DYRK3: variants seen among roughly 807,000 people sequenced by gnomAD.
DYRK3 encodes the protein dual specificity tyrosine-phosphorylation-regulated kinase 3.
A neutral mutation model predicts 40.8 loss-of-function variants in DYRK3; 30 were observed. The ratio of observed to expected loss-of-function variants is 0.74; its 90% CI spans 0.55 to 1.00. DYRK3 has a LOEUF of 1.00. Among genes scored for constraint, DYRK3 ranks in the 50% least tolerant of loss-of-function variants. The pLI is 0.00. For missense variants in DYRK3, 699 were observed against 731.5 expected, an observed-to-expected ratio of 0.96 and a Z score of 0.51; for synonymous variants, 272 against 260.7, an observed-to-expected ratio of 1.04 and a Z score of -0.42.
intron 2 of DYRK3, among the ~76,000 whole-genome samples, chr1:206,645,292 C>A (rs528323846): frequency 6.6e-6 from 1 of 152,170 alleles, no homozygotes; most frequent in Non-Finnish European, 1.5e-5. Flanking sequence ...ATAACTGTAG[C>A]CCAGAGCTCC....
At chr1:206,644,269 A>G (rs1671385487) in intron 2 of DYRK3, among the ~76,000 whole-genome samples, 1 of 151,980 alleles carries the variant, frequency 6.6e-6, no homozygotes, top group South Asian at 2.1e-4. Flanking sequence ...TCCCGACCTC[A>G]GGTGATCTGC....
Position 206,648,350 on chromosome 1 carries a change from C to A in DYRK3, c.1152C>A (p.Ser384Arg). 6.2e-7 allele frequency: 1 copy of A among 1,614,140 alleles called. No individual in the cohort carries two copies. Among genetic ancestry groups the A allele is most frequent in the Non-Finnish European group, 8.5e-7 (1 of 1,180,024 alleles). The change falls in exon 3 of 3, where the codon AGC becomes AGA. Residue 384 changes from serine to arginine, a missense_variant. Ser to Arg is a moderately radical substitution (Grantham distance 110). Coordinates refer to ENST00000367109, the MANE Select transcript of DYRK3 (RefSeq NM_003582.4). ...GAGCTCCAGAAATCATCTTAGGAAG[C>A]CGCTACAGCACACCAATTGACATAT... Reference protein sequence around the residue: ...FYRAPEIILGSRYSTPIDIWS... With the variant: ...FYRAPEIILGRRYSTPIDIWS...
chr1:206,648,030 T>G lies in DYRK3; in HGVS notation c.832T>G (p.Phe278Val). 1.9e-6 allele frequency: 3 copies of G among 1,614,154 alleles called. No homozygotes were observed. Among genetic ancestry groups the G allele is most frequent in the Non-Finnish European group, 2.5e-6 (3 of 1,180,026 alleles). Reference sequence around the variant, plus strand: ...GAACGTTATCCACATGCTGGAAAGTTTCACATTCCGGAACCATGTTTGCAT... The same window carrying G: ...GAACGTTATCCACATGCTGGAAAGTGTCACATTCCGGAACCATGTTTGCAT... ...SMNVIHMLESFTFRNHVCMAF... is the reference protein window; with the variant it reads ...SMNVIHMLESVTFRNHVCMAF... The change falls in exon 3 of 3, where the codon TTC (phenylalanine) becomes GTC (valine). Residue 278 changes from phenylalanine (F) to valine (V), a missense_variant. Phe to Val is a conservative substitution (Grantham distance 50). Coordinates refer to ENST00000367109, the MANE Select transcript of DYRK3 (RefSeq NM_003582.4).
chr1:206,644,662 C>T (rs1199993009), intron 2 of DYRK3, among the ~76,000 whole-genome samples: 1 of 152,216 alleles, frequency 6.6e-6, no homozygotes, highest in African/African-American at 2.4e-5. Context: ...GCCTCAGCCT[C>T]CCAAGTAGCT....
intron 1 of DYRK3, chr1:206,636,143 G>A: frequency 8.7e-7 from 1 of 1,143,080 alleles, no homozygotes; most frequent in Non-Finnish European, 1.2e-6. Flanking sequence ...TTGGAAAGAA[G>A]CCCTGTTGCT....
In DYRK3 at chr1:206,648,511, GT is replaced by G. The variant is rs781807797; in HGVS notation, c.1314del (p.Ala439ProfsTer16). 1.7e-4 allele frequency: 270 copies of G among 1,614,012 alleles called. No homozygotes were observed. The highest frequency in any genetic ancestry group is 2.1e-4 in the Non-Finnish European group (253 of 1,180,034). The part of the protein sequence containing the change: ...PPPKLLEQSK[R>X]AKYFINSKGI... ...CCAAAACTTCTGGAGCAATCCAAAC[GT>G]GCCAAGTACTTTATTAATTCCAAGG... On this transcript the variant is annotated frameshift_variant, in exon 3 of 3. Coordinates refer to ENST00000367109, the MANE Select transcript of DYRK3 (RefSeq NM_003582.4). LOFTEE classifies it high-confidence loss of function.
chr1:206,646,840 T>G (rs1671469027), intron 2 of DYRK3, among the ~76,000 whole-genome samples: 1 of 152,238 alleles, frequency 6.6e-6, no homozygotes, highest in South Asian at 2.1e-4. Flanking sequence ...CAGTATGCAT[T>G]ATTTTCATCA....
In DYRK3 at chr1:206,638,280, T is replaced by G. The variant is rs10863756; in HGVS notation, c.189+519T>G. ...ACTGCAGACACTTAGCTTTTTTTTT[T>G]TTTTTTTTTTTTTTGAGGTGGAGTC... is the stretch of plus-strand genomic sequence containing the variant. On this transcript the variant is annotated intron_variant, in intron 2 of 2. Transcript: ENST00000367109. 5.3e-3 allele frequency among the ~76,000 whole-genome samples: 338 copies of G among 64,344 alleles called. 3 individuals are homozygous for G. The highest frequency in any genetic ancestry group is 0.012 in the African/African-American group (282 of 23,630). The allele number at this position is 64,344 out of a possible 152,430, so 42.2% of individuals were successfully genotyped here.
chr1:206,644,820 G>A (rs1053900778), intron 2 of DYRK3, among the ~76,000 whole-genome samples: 6 of 152,260 alleles, frequency 3.9e-5, no homozygotes, highest in Admixed American at 1.3e-4. Flanking sequence ...GATTACAGGT[G>A]TGAGCCACCA....
At chr1:206,637,288 C>G (rs566173052) in intron 1 of DYRK3, among the ~76,000 whole-genome samples, 1 of 152,202 alleles carries the variant, frequency 6.6e-6, no homozygotes, top group Non-Finnish European at 1.5e-5. Flanking sequence ...AAACTATTAC[C>G]TCTGTTAGTT....
rs1553421001 is a variant in DYRK3 at position 206,649,242 on chromosome 1, T to G, written c.*277T>G. 4 of 343,852 alleles carry G rather than the reference T, an allele frequency of 1.2e-5. No individual in the cohort carries two copies. The highest frequency in any genetic ancestry group is 2.1e-5 in the Non-Finnish European group (4 of 187,728). 21.3% of individuals were successfully genotyped at this position (343,852 alleles called of 1,614,324 possible). A position where few individuals can be genotyped will look rare whatever the true frequency, so the allele number is the denominator to read the frequency against. On this transcript the variant is annotated 3_prime_UTR_variant, in exon 3 of 3. Coordinates refer to ENST00000367109, the MANE Select transcript of DYRK3 (RefSeq NM_003582.4). Reference sequence around the variant, plus strand: ...ATGTATTTCAACTGATGTATTATACTATTGGTTTAAATCTCTTTCTCTCAA... The same window carrying G: ...ATGTATTTCAACTGATGTATTATACGATTGGTTTAAATCTCTTTCTCTCAA...
At chr1:206,643,585 C>G (rs1490186738) in intron 2 of DYRK3, among the ~76,000 whole-genome samples, 1 of 152,164 alleles carries the variant, frequency 6.6e-6, no homozygotes, top group Admixed American at 6.5e-5. Context: ...TTCATTAGGG[C>G]ATTGATCTTC....
chr1:206,636,269 A>AGCT, intron 1 of DYRK3: 1 of 278,142 alleles, frequency 3.6e-6, no homozygotes, highest in Non-Finnish European at 7.5e-6. Context: ...TCCTATTTTG[A>AGCT]GAGATTCCCC....
Position 206,648,033 on chromosome 1 carries a change from A to G in DYRK3, c.835A>G (p.Thr279Ala), listed in dbSNP as rs782645630. The change falls in exon 3 of 3, where the codon ACA (threonine) becomes GCA (alanine). Residue 279 changes from threonine to alanine, a missense_variant. By Grantham distance (58) the Thr-to-Ala change is moderately conservative (BLOSUM62 0). Coordinates refer to ENST00000367109, the MANE Select transcript of DYRK3 (RefSeq NM_003582.4). ...CGTTATCCACATGCTGGAAAGTTTC[A>G]CATTCCGGAACCATGTTTGCATGGC... ...MNVIHMLESF[T>A]FRNHVCMAFE... 9 of 1,614,064 alleles carry G rather than the reference A, an allele frequency of 5.6e-6. No homozygotes were observed. The South Asian group carries it at 6.6e-5, about 12-fold the overall frequency.
At chr1:206,645,113 T>A (rs1671412342) in intron 2 of DYRK3, among the ~76,000 whole-genome samples, 1 of 152,236 alleles carries the variant, frequency 6.6e-6, no homozygotes, top group Non-Finnish European at 1.5e-5. Flanking sequence ...TTACGGGGGC[T>A]GTCTGAGGTA....
At chr1:206,645,408 TATCCTA>T (rs1553419930) in intron 2 of DYRK3, among the ~76,000 whole-genome samples, 1 of 64,928 alleles carries the variant, frequency 1.5e-5, no homozygotes, top group Non-Finnish European at 4.1e-5. Flanking sequence ...TTCTTTTAAG[TATCCTA>T]GACTTCCTTT....
rs1399820705 is a variant in DYRK3 at position 206,653,427 on chromosome 1, A to G, written c.*4462A>G. 2.0e-5 allele frequency among the ~76,000 whole-genome samples: 3 copies of G among 152,190 alleles called. No individual in the cohort carries two copies. Among genetic ancestry groups the G allele is most frequent in the African/African-American group, 4.8e-5 (2 of 41,434 alleles). ...AGAGTTATTGATGTACTCTTTCATC[A>G]TGTGCTATCATGATTTCTCCTTAGA... On this transcript the variant is annotated 3_prime_UTR_variant, in exon 3 of 3. Coordinates refer to ENST00000367109, the MANE Select transcript of DYRK3 (RefSeq NM_003582.4).
In DYRK3 at chr1:206,654,792, A is replaced by T. The variant is rs1427172246; in HGVS notation, c.*5827A>T. Among the ~76,000 whole-genome samples the T allele has an allele frequency of 6.6e-6, 1 of 152,236 alleles. No homozygotes were observed. The highest frequency in any genetic ancestry group is 2.4e-5 in the African/African-American group (1 of 41,458). On this transcript the variant is annotated 3_prime_UTR_variant, in exon 3 of 3. Coordinates refer to ENST00000367109, the MANE Select transcript of DYRK3 (RefSeq NM_003582.4). The stretch of plus-strand genomic sequence containing the variant: ...AAATGCATCGTCTAGACTTTGAAGA[A>T]GCAGGGTATGATTCTTAATATAGCC...
rs1178816808 is a variant in DYRK3, at chr1:206,653,715, C to T, written c.*4750C>T. ...GATAATAATGAAAAAAAAATGAATA[C>T]CACCAAAACCTAACTATGATGTAAG... On this transcript the variant is annotated 3_prime_UTR_variant, in exon 3 of 3. Coordinates refer to ENST00000367109, the MANE Select transcript of DYRK3 (RefSeq NM_003582.4). Among the ~76,000 whole-genome samples the T allele has an allele frequency of 6.6e-6, 1 of 152,148 alleles. No individual in the cohort carries two copies. Among genetic ancestry groups the T allele is most frequent in the Non-Finnish European group, 1.5e-5 (1 of 68,034 alleles).
Sources: gnomAD v4.1 joint callset for allele counts (sites outside exome capture counted in the v4.1 genomes callset) on GRCh38, gnomAD v4.1.1 for gene constraint, MANE v1.5 for transcripts, NCBI Gene and HGNC (gene_info 2026-07-23, HGNC 2026-07-21) for gene names.